Variants in CEP126 observed in about 807,000 individuals in gnomAD.
CEP126 encodes centrosomal protein of 126 kDa.
Under a neutral mutation model 107.8 loss-of-function variants are expected in CEP126, and 74 were observed. The ratio of observed to expected loss-of-function variants is 0.69; its 90% CI spans 0.57 to 0.83. CEP126 has a LOEUF of 0.83. Among genes scored for constraint, CEP126 ranks in the 40% least tolerant of loss-of-function variants. The pLI, the probability that CEP126 is intolerant of heterozygous loss-of-function variation, is 0.00. For synonymous variants in CEP126, 449 were observed against 446.0 expected, an observed-to-expected ratio of 1.01 and a Z score of -0.08; for missense variants, 1,237 against 1,281.9, an observed-to-expected ratio of 0.96 and a Z score of 0.53.
At position 101,997,855 on chromosome 11, in the gene CEP126, G is replaced by A. The variant is rs888935445; in HGVS notation, c.*212G>A. On this transcript the variant is annotated 3_prime_UTR_variant, in exon 11 of 11. Transcript: ENST00000263468. ...ACAGAGTTCTGAGAATACCATGAAA[G>A]ACATTATGCCTGCCTAAACAAAAAG... is the stretch of plus-strand genomic sequence containing the variant. 1.7e-6 allele frequency: 1 copy of A among 587,898 alleles called. No homozygotes were observed. The highest frequency in any genetic ancestry group is 3.0e-5 in the Admixed American group (1 of 32,964). The allele number at this position is 587,898 out of a possible 1,614,324, so 36.4% of individuals were successfully genotyped here.
At chr11:101,984,042 C>A (rs540622829) in intron 8 of CEP126, among the ~76,000 whole-genome samples, 59 of 152,306 alleles carry the variant, frequency 3.9e-4, no homozygotes, top group Non-Finnish European at 7.4e-4. Flanking sequence ...AGCTGAAATT[C>A]TCATCAAAAA....
At chr11:101,986,442 G>A (rs1421772619) in intron 8 of CEP126, among the ~76,000 whole-genome samples, 2 of 151,882 alleles carry the variant, frequency 1.3e-5, no homozygotes, top group Non-Finnish European at 2.9e-5. Flanking sequence ...TAATCTTAAG[G>A]GTTTTTTGGT....
intron 6 of CEP126, among the ~76,000 whole-genome samples, chr11:101,967,415 G>A (rs60139327): frequency 1.2e-3 from 178 of 152,214 alleles, no homozygotes; most frequent in African/African-American, 4.1e-3. Context: ...CGCCCAGGGG[G>A]AAAAAATTAT....
At position 101,977,646 on chromosome 11, in the gene CEP126, A is replaced by G. The variant is rs563238066; in HGVS notation, c.2846-701A>G. Among the ~76,000 whole-genome samples, 214 of 150,910 alleles carry G rather than the reference A, an allele frequency of 1.4e-3. 1 individual carries two copies. Among genetic ancestry groups the G allele is most frequent in the Middle Eastern group, 6.8e-3 (2 of 292 alleles). ...ACTCTGTCTCAAAAAAAAAAAAAAA[A>G]AAAAGAAAAGAAAAATAATATAATA... On this transcript the variant is annotated intron_variant, in intron 6 of 10. Coordinates refer to ENST00000263468, the MANE Select transcript of CEP126 (RefSeq NM_020802.4).
chr11:101,994,883 T>C (rs1371384970), intron 10 of CEP126, among the ~76,000 whole-genome samples: 1 of 151,908 alleles, frequency 6.6e-6, no homozygotes, highest in African/African-American at 2.4e-5. Context: ...TTTTTTTTTT[T>C]TTTAATTATA....
intron 9 of CEP126, among the ~76,000 whole-genome samples, 169 bp from the exon 10 acceptor site, chr11:101,992,609 T>C (rs1941398175): frequency 6.6e-6 from 1 of 152,276 alleles, no homozygotes; most frequent in East Asian, 1.9e-4. Context: ...CTTCCACTTT[T>C]GGACCTAATA....
At chr11:101,917,722 T>G (rs946778019) in intron 1 of CEP126, among the ~76,000 whole-genome samples, 2 of 152,058 alleles carry the variant, frequency 1.3e-5, no homozygotes, top group African/African-American at 4.8e-5. Flanking sequence ...GCCTCTCCTT[T>G]CCTCTCCAGT....
At chr11:101,973,441 T>A (rs1941156464) in intron 6 of CEP126, among the ~76,000 whole-genome samples, 1 of 152,114 alleles carries the variant, frequency 6.6e-6, no homozygotes, top group Non-Finnish European at 1.5e-5. Flanking sequence ...CCGCATGTTC[T>A]CACTTATAAA....
At chr11:101,945,393 G>C (rs2137097026) in intron 3 of CEP126, among the ~76,000 whole-genome samples, 1 of 152,152 alleles carries the variant, frequency 6.6e-6, no homozygotes, top group East Asian at 1.9e-4. Flanking sequence ...AAAAAAAAGA[G>C]GTAGCCAGTT....
At chr11:101,952,366 T>G (rs1033785879) in intron 4 of CEP126, among the ~76,000 whole-genome samples, 11 of 152,148 alleles carry the variant, frequency 7.2e-5, no homozygotes, top group African/African-American at 2.7e-4. Flanking sequence ...GTTGGAAATA[T>G]TGCCAGAATG....
At chr11:101,976,893 G>A (rs1262236635) in intron 6 of CEP126, among the ~76,000 whole-genome samples, 3 of 152,116 alleles carry the variant, frequency 2.0e-5, no homozygotes, top group Admixed American at 1.3e-4. Flanking sequence ...TACAAGTTAA[G>A]CATTTTACTA....
intron 2 of CEP126, among the ~76,000 whole-genome samples, chr11:101,934,401 A>G (rs1940546541): frequency 6.6e-6 from 1 of 151,938 alleles, no homozygotes; most frequent in Non-Finnish European, 1.5e-5. Flanking sequence ...CAGTCATCTC[A>G]ATCTCTGATC....
chr11:101,959,268 T>C (rs868580842), intron 5 of CEP126, among the ~76,000 whole-genome samples: 1 of 152,052 alleles, frequency 6.6e-6, no homozygotes, highest in Middle Eastern at 3.4e-3. Context: ...GCAGTTCTCC[T>C]GCCTCACCTC....
At chr11:101,992,182 A>G (rs12049892) in intron 9 of CEP126, among the ~76,000 whole-genome samples, 8,463 of 152,196 alleles carry the variant, frequency 0.056, 460 homozygotes, top group East Asian at 0.26. Flanking sequence ...GGGAGCTACA[A>G]TCATGAACTA....
chr11:101,995,819 G>T (rs1941435326), intron 10 of CEP126, among the ~76,000 whole-genome samples: 1 of 152,188 alleles, frequency 6.6e-6, no homozygotes, highest in South Asian at 2.1e-4. Context: ...ATTTTGCTTT[G>T]CTTCTCATTT....
Position 101,997,449 on chromosome 11 carries a change from C to G in CEP126, c.3310-150C>G, listed in dbSNP as rs146534605. The G allele has an allele frequency of 4.0e-4, 468 of 1,182,622 alleles. 1 individual carries two copies. In the African/African-American group the frequency reaches 6.7e-3, roughly 17 times the overall value. The allele number at this position is 1,182,622 out of a possible 1,614,324, so 73.3% of individuals were successfully genotyped here. On this transcript the variant is annotated intron_variant, in intron 10 of 10. Coordinates refer to ENST00000263468, the MANE Select transcript of CEP126 (RefSeq NM_020802.4). ...TAATGTAAGGGTTGAGGTAAATAAT[C>G]TATAAAGTCCTCTGCAATCTTAAAC...
intron 2 of CEP126, among the ~76,000 whole-genome samples, chr11:101,926,154 A>G (rs986257621): frequency 2.6e-5 from 4 of 152,228 alleles, no homozygotes; most frequent in African/African-American, 7.2e-5. Context: ...AAAGATGGCA[A>G]TGCTATGCAG....
chr11:101,976,649 G>A (rs1941195016), intron 6 of CEP126, among the ~76,000 whole-genome samples: 1 of 152,132 alleles, frequency 6.6e-6, no homozygotes, highest in Non-Finnish European at 1.5e-5. Context: ...TTGGTCCCAA[G>A]AAACTTAAAT....
chr11:101,932,290 T>TAAGTAGTTC (rs1191731191), intron 2 of CEP126, among the ~76,000 whole-genome samples: 2 of 152,138 alleles, frequency 1.3e-5, no homozygotes, highest in Non-Finnish European at 1.5e-5. Flanking sequence ...AGTTCAGGAG[T>TAAGTAGTTC]AGAAATGTCT....
Sources: allele counts gnomAD v4.1 joint callset (sites outside exome capture counted in the v4.1 genomes callset), GRCh38; gene constraint gnomAD v4.1.1; transcripts MANE v1.5; gene names NCBI Gene and HGNC (gene_info 2026-07-23, HGNC 2026-07-21).